Variants in KIF26B observed in about 807,000 individuals in gnomAD.
KIF26B encodes the protein kinesin family member 26B.
KIF26B carries 63 observed loss-of-function variants against 151.2 expected under a neutral mutation model. The observed-to-expected ratio is 0.42, with a 90% confidence interval of 0.34 to 0.51. KIF26B has a LOEUF of 0.51. Among genes scored for constraint, KIF26B ranks in the 20% least tolerant of loss-of-function variants. The probability of loss-of-function intolerance (pLI) is 0.07; values close to 1 mark genes in which losing one functional copy is unlikely to be tolerated. For missense variants in KIF26B, 2,813 were observed against 2,913.6 expected (o/e 0.97, Z 0.79); for synonymous variants, 1,357 against 1,262.1 (o/e 1.08, Z -1.59).
Position 245,169,723 on chromosome 1 carries a change from C to A in KIF26B, c.465+13040C>A, listed in dbSNP as rs370539499. ...GGGAAGGAAGTTGCCCGGCTGTGGG[C>A]TTTTTGTGGTGGTGGTTTCTGCTAA... On this transcript the variant is annotated intron_variant, in intron 2 of 14. Coordinates refer to ENST00000407071, the MANE Select transcript of KIF26B (RefSeq NM_018012.4). Among the ~76,000 whole-genome samples the A allele has an allele frequency of 2.7e-4, 41 of 152,130 alleles. No individual in the cohort carries two copies. The Middle Eastern group carries it at 0.01, about 38-fold the overall frequency.
intron 4 of KIF26B, among the ~76,000 whole-genome samples, chr1:245,427,355 C>A (rs557562589): frequency 6.6e-6 from 1 of 152,342 alleles, no homozygotes; most frequent in South Asian, 2.1e-4. Context: ...CACCTGTAAT[C>A]CCAGCACTTC....
Position 245,540,398 on chromosome 1 carries a change from G to A in KIF26B, c.1167-369G>A, listed in dbSNP as rs1413823108. On this transcript the variant is annotated intron_variant, in intron 4 of 14. Coordinates refer to ENST00000407071, the MANE Select transcript of KIF26B (RefSeq NM_018012.4). This position sits in a 1 kb window ranked among gnomAD's most constrained non-coding sequence, Gnocchi z 4.6. ...TTTAAATTAGCTCATGAGGTCTCTC[G>A]CACCTGAGTTTATGCCAGAGAAGTT... is the stretch of plus-strand genomic sequence containing the variant. 1.3e-5 allele frequency among the ~76,000 whole-genome samples: 2 copies of A among 152,138 alleles called. No homozygotes were observed. Among genetic ancestry groups the A allele is most frequent in the Non-Finnish European group, 2.9e-5 (2 of 68,036 alleles).
intron 4 of KIF26B, among the ~76,000 whole-genome samples, chr1:245,513,198 T>A (rs1187014672): frequency 1.7e-4 from 16 of 94,092 alleles, no homozygotes; most frequent in South Asian, 1.7e-3. Context: ...GGTGGACAGC[T>A]CCAACCTGCA....
intron 5 of KIF26B, among the ~76,000 whole-genome samples, chr1:245,545,443 T>G (rs1661722995): frequency 6.6e-6 from 1 of 152,180 alleles, no homozygotes; most frequent in African/African-American, 2.4e-5. Flanking sequence ...TGTTAGGTAC[T>G]GTGCTGAGCG....
At chr1:245,464,655 C>G (rs896485311) in intron 4 of KIF26B, among the ~76,000 whole-genome samples, 5 of 125,996 alleles carry the variant, frequency 4.0e-5, no homozygotes, top group Admixed American at 2.3e-4. Flanking sequence ...TGTGGGTGTG[C>G]GTGTGTGTGT....
At chr1:245,668,510 CTTCTGTG>C (rs1245001820) in intron 10 of KIF26B, among the ~76,000 whole-genome samples, 2 of 152,142 alleles carry the variant, frequency 1.3e-5, no homozygotes, top group Non-Finnish European at 2.9e-5. Flanking sequence ...TGAGTTGTGG[CTTCTGTG>C]TAACGTCTTT....
At chr1:245,329,662 C>T (rs946477005) in intron 2 of KIF26B, among the ~76,000 whole-genome samples, 4 of 152,210 alleles carry the variant, frequency 2.6e-5, no homozygotes, top group African/African-American at 9.6e-5. Flanking sequence ...CCTGCCCCTG[C>T]CCCTTTCCAG....
intron 2 of KIF26B, among the ~76,000 whole-genome samples, chr1:245,178,960 A>G (rs1028442841): frequency 3.2e-5 from 3 of 95,140 alleles, no homozygotes; most frequent in African/African-American, 1.3e-4. Flanking sequence ...ACTTGGAACA[A>G]TTCTTAACCA....
chr1:245,360,039 A>AT (rs889934052), intron 2 of KIF26B, among the ~76,000 whole-genome samples: 1 of 151,248 alleles, frequency 6.6e-6, no homozygotes, highest in Admixed American at 6.6e-5. Context: ...TGCCCGGCTA[A>AT]TTTTTTTATT....
At chr1:245,355,487 T>C (rs1672672143) in intron 2 of KIF26B, among the ~76,000 whole-genome samples, 1 of 151,728 alleles carries the variant, frequency 6.6e-6, no homozygotes, top group Non-Finnish European at 1.5e-5. Context: ...TCCCAGCTAT[T>C]TGGAAGCCTG....
chr1:245,399,673 T>C (rs1572042617), intron 3 of KIF26B, among the ~76,000 whole-genome samples: 1 of 152,238 alleles, frequency 6.6e-6, no homozygotes, highest in East Asian at 1.9e-4. Context: ...ACACGCATGA[T>C]AATTAAGCAT....
Position 245,702,681 on chromosome 1 carries a change from G to T in KIF26B, c.*75G>T. On this transcript the variant is annotated 3_prime_UTR_variant, in exon 15 of 15. Transcript: ENST00000407071. The surrounding 1 kb of genome is among the most constrained non-coding windows in gnomAD (Gnocchi z 4.1). The stretch of plus-strand genomic sequence containing the variant: ...GATGTTGCACGCCCCTAGGCCCTCT[G>T]TGCTGGGGCATCAAAGACAATGAAT... The T allele has an allele frequency of 6.8e-7, 1 of 1,466,814 alleles. No individual in the cohort carries two copies. Among genetic ancestry groups the T allele is most frequent in the Non-Finnish European group, 9.2e-7 (1 of 1,088,852 alleles). 90.9% of individuals were successfully genotyped at this position (1,466,814 alleles called of 1,614,324 possible).
intron 3 of KIF26B, among the ~76,000 whole-genome samples, chr1:245,374,433 C>T (rs1193463711): frequency 1.3e-5 from 2 of 151,672 alleles, no homozygotes; most frequent in Non-Finnish European, 1.5e-5. Context: ...CCCGGCCGAA[C>T]CACTTTTCAA....
At chr1:245,468,765 G>T (rs1255576683) in intron 4 of KIF26B, among the ~76,000 whole-genome samples, 1 of 152,014 alleles carries the variant, frequency 6.6e-6, no homozygotes, top group African/African-American at 2.4e-5. Context: ...ATAACGTCCG[G>T]CAGTAGAACT....
At chr1:245,674,520 G>A (rs60810584) in intron 10 of KIF26B, among the ~76,000 whole-genome samples, 1 of 152,124 alleles carries the variant, frequency 6.6e-6, no homozygotes, top group East Asian at 1.9e-4. Context: ...AACTTCATTA[G>A]AATATGTAAG....
chr1:245,269,247 C>T (rs1483291055), intron 2 of KIF26B, among the ~76,000 whole-genome samples: 7 of 127,442 alleles, frequency 5.5e-5, no homozygotes, highest in Admixed American at 3.3e-4. Context: ...TCCCACCGAA[C>T]GGCCCCTCTC....
intron 9 of KIF26B, among the ~76,000 whole-genome samples, chr1:245,617,599 A>G (rs1389616988): frequency 6.6e-6 from 1 of 152,198 alleles, no homozygotes; most frequent in African/African-American, 2.4e-5. Context: ...AGCCCTGTGC[A>G]GCAAGGATGT....
intron 4 of KIF26B, among the ~76,000 whole-genome samples, chr1:245,532,467 G>T (rs34351065): frequency 0.32 from 49,161 of 151,544 alleles, 8,752 homozygotes; most frequent in Non-Finnish European, 0.41. Context: ...GGATGGTCTC[G>T]ATCTCCCGAC....
chr1:245,261,499 CTCTCCCTCCCT>C (rs1670642862), intron 2 of KIF26B, among the ~76,000 whole-genome samples: 7 of 108,898 alleles, frequency 6.4e-5, no homozygotes, highest in African/African-American at 2.1e-4. Context: ...CTCTCTCTCT[CTCTCCCTCCCT>C]CCCTCCCTCC....
Sources: gnomAD v4.1 joint callset for allele counts (sites outside exome capture counted in the v4.1 genomes callset) on GRCh38, gnomAD v4.1.1 for gene constraint, Gnocchi (gnomAD v3.1) non-coding constraint, MANE v1.5 for transcripts, NCBI Gene and HGNC (gene_info 2026-07-23, HGNC 2026-07-21) for gene names.